Variants in ADAM12 observed in about 807,000 individuals in gnomAD.
ADAM12 encodes ADAM metallopeptidase domain 12.
In ADAM12, 70 loss-of-function variants were observed where a neutral mutation model predicts 106.4. The ratio of observed to expected loss-of-function variants is 0.66; its 90% CI spans 0.54 to 0.80. ADAM12 has a LOEUF of 0.80. Among genes scored for constraint, ADAM12 ranks in the 30% least tolerant of loss-of-function variants. The pLI is 0.00. For synonymous variants in ADAM12, 420 were observed against 433.5 expected, an observed-to-expected ratio of 0.97 and a Z score of 0.39; for missense variants, 1,010 against 1,171.9, an observed-to-expected ratio of 0.86 and a Z score of 2.02.
chr10:126,225,063 G>A lies in ADAM12; in HGVS notation c.260+53852C>T, dbSNP rs535677849. Among the ~76,000 whole-genome samples, 9 of 152,342 alleles carry A rather than the reference G, an allele frequency of 5.9e-5. 1 individual carries two copies. In the South Asian group the frequency reaches 1.4e-3, roughly 25 times the overall value. On this transcript the variant is annotated intron_variant, in intron 3 of 22. Coordinates refer to ENST00000448723, the MANE Select transcript of ADAM12 (RefSeq NM_001288973.2). Reference sequence around the variant, plus strand: ...GAAAGGGGGCACCCCCGAAGAGGGCGGGATCCTCTGAGCCCACTGTTTCGA... The same window carrying A: ...GAAAGGGGGCACCCCCGAAGAGGGCAGGATCCTCTGAGCCCACTGTTTCGA...
chr10:126,277,066 CTG>C (rs1590721217), intron 3 of ADAM12, among the ~76,000 whole-genome samples: 1 of 152,162 alleles, frequency 6.6e-6, no homozygotes, highest in East Asian at 1.9e-4. Context: ...TGCATACAGA[CTG>C]TGATATCAAC....
intron 1 of ADAM12, among the ~76,000 whole-genome samples, chr10:126,381,573 GT>G (rs1856495002): frequency 6.6e-6 from 1 of 152,244 alleles, no homozygotes; most frequent in African/African-American, 2.4e-5. Flanking sequence ...TCAGCTCACT[GT>G]AGGCTCTGCC....
At chr10:126,182,153 T>C (rs1240826866) in intron 3 of ADAM12, among the ~76,000 whole-genome samples, 1 of 152,226 alleles carries the variant, frequency 6.6e-6, no homozygotes, top group Admixed American at 6.5e-5. Flanking sequence ...CCCCTCTGCC[T>C]GGTGGCTGGT....
chr10:126,017,673 GTCA>G (rs1190093808), intron 22 of ADAM12, among the ~76,000 whole-genome samples: 2 of 152,106 alleles, frequency 1.3e-5, no homozygotes, highest in African/African-American at 2.4e-5. Context: ...ATTTCAACAG[GTCA>G]TCATCAATAG....
Position 126,121,147 on chromosome 10 carries a change from CTATATATACTATATATACTA to C in ADAM12, c.417-2943_417-2924del, listed in dbSNP as rs1565074073. Among the ~76,000 whole-genome samples the C allele has an allele frequency of 1.8e-4, 4 of 22,408 alleles. 1 individual carries two copies. Among genetic ancestry groups the C allele is most frequent in the Admixed American group, 1.2e-3 (2 of 1,708 alleles). 14.7% of individuals were successfully genotyped at this position (22,408 alleles called of 152,430 possible). ...GTATATATACTATATACTATATATA[CTATATATACTATATATACTA>C]TATATACTATATACACTATATACTA... is the stretch of plus-strand genomic sequence containing the variant. On this transcript the variant is annotated intron_variant, in intron 5 of 22. Transcript: ENST00000448723.
At chr10:126,266,237 C>T (rs927985850) in intron 3 of ADAM12, among the ~76,000 whole-genome samples, 10 of 152,142 alleles carry the variant, frequency 6.6e-5, no homozygotes, top group African/African-American at 1.9e-4. Flanking sequence ...GACTTGGGGG[C>T]CCTCCCATTG....
intron 3 of ADAM12, among the ~76,000 whole-genome samples, chr10:126,262,594 A>G (rs960489970): frequency 8.5e-5 from 13 of 152,202 alleles, no homozygotes; most frequent in African/African-American, 2.9e-4. Flanking sequence ...ACCTACAGTG[A>G]ACACATAAAA....
rs1954097911 is a variant in ADAM12 at position 126,038,463 on chromosome 10, C to CT, written c.2241-115dup. ...AAGACAGTTTACTTAACTCAGTGTG[C>CT]TAAACATGCAAAGGAAAAATTACCT... On this transcript the variant is annotated intron_variant, in intron 19 of 22. Transcript: ENST00000448723. The CT allele has an allele frequency of 2.0e-5, 15 of 747,524 alleles. No homozygotes were observed. In the East Asian group the frequency reaches 4.5e-4, roughly 22 times the overall value. 46.3% of individuals were successfully genotyped at this position (747,524 alleles called of 1,614,324 possible). A position where few individuals can be genotyped will look rare whatever the true frequency, so the allele number is the denominator to read the frequency against.
chr10:126,077,475 A>T (rs1955124321), intron 11 of ADAM12, among the ~76,000 whole-genome samples: 3 of 152,230 alleles, frequency 2.0e-5, no homozygotes, highest in Admixed American at 1.3e-4. Flanking sequence ...GAGGTATCAT[A>T]TTATCTGACT....
intron 2 of ADAM12, among the ~76,000 whole-genome samples, chr10:126,320,938 T>A (rs114834753): frequency 0.02 from 3,100 of 152,354 alleles, 99 homozygotes; most frequent in African/African-American, 0.067. Context: ...AAAACTTTTT[T>A]AAAATAAGTT....
chr10:126,314,845 C>T (rs1961275729), intron 2 of ADAM12, among the ~76,000 whole-genome samples: 1 of 152,148 alleles, frequency 6.6e-6, no homozygotes, highest in Non-Finnish European at 1.5e-5. Context: ...GAACTTGCCT[C>T]TCAGAGCACA....
chr10:126,378,065 T>TA (rs1856357228), intron 1 of ADAM12, among the ~76,000 whole-genome samples: 2 of 152,136 alleles, frequency 1.3e-5, no homozygotes, highest in African/African-American at 4.8e-5. Context: ...ATAAGAATCT[T>TA]AGAGTCTTTA....
intron 3 of ADAM12, among the ~76,000 whole-genome samples, chr10:126,191,830 T>C (rs960067926): frequency 9.2e-5 from 14 of 152,154 alleles, no homozygotes; most frequent in African/African-American, 3.1e-4. Context: ...GACTGGATAA[T>C]TTATAAAGAA....
In ADAM12 at chr10:126,113,554, G is replaced by A. The variant is rs533668027; in HGVS notation, c.604-3714C>T. ...ACACGCCTGTAGTCCCAGCTACTCG[G>A]GAGGCTGAGGCACAAGAATTACTTG... On this transcript the variant is annotated intron_variant, in intron 6 of 22. Transcript: ENST00000448723. 2.4e-4 allele frequency among the ~76,000 whole-genome samples: 32 copies of A among 135,436 alleles called. 2 individuals carry two copies. Among genetic ancestry groups the A allele is most frequent in the African/African-American group, 1.1e-3 (32 of 28,544 alleles). The allele number at this position is 135,436 out of a possible 152,430, so 88.9% of individuals were successfully genotyped here. A position where few individuals can be genotyped will look rare whatever the true frequency, so the allele number is the denominator to read the frequency against.
chr10:126,174,112 C>T (rs892613044), intron 3 of ADAM12, among the ~76,000 whole-genome samples: 1 of 148,570 alleles, frequency 6.7e-6, no homozygotes, highest in Non-Finnish European at 1.5e-5. Flanking sequence ...GGTTTCAAGC[C>T]ATTCTCCTGC....
chr10:126,354,379 G>A (rs985120353), intron 1 of ADAM12, among the ~76,000 whole-genome samples: 13 of 152,154 alleles, frequency 8.5e-5, no homozygotes, highest in African/African-American at 2.7e-4. Context: ...GTAACTCATA[G>A]TCCTGTGTTC....
At position 126,280,920 on chromosome 10, in the gene ADAM12, C is replaced by T. The variant is rs533140312; in HGVS notation, c.187-1932G>A. ...ACTGTGTGCATTTCTGAGTGTTACT[C>T]GACTTTGAAAATTAATCTATTGGAT... On this transcript the variant is annotated intron_variant, in intron 2 of 22. Transcript: ENST00000448723. 7.9e-5 allele frequency among the ~76,000 whole-genome samples: 12 copies of T among 152,206 alleles called. 1 individual carries two copies. Among genetic ancestry groups the T allele is most frequent in the Admixed American group, 2.6e-4 (4 of 15,288 alleles).
At chr10:126,166,445 T>C (rs1209550865) in intron 3 of ADAM12, among the ~76,000 whole-genome samples, 1 of 152,222 alleles carries the variant, frequency 6.6e-6, no homozygotes, top group Non-Finnish European at 1.5e-5. Context: ...CTAGATACAG[T>C]TTGCAAGTCT....
intron 3 of ADAM12, among the ~76,000 whole-genome samples, chr10:126,269,552 C>T (rs72828715): frequency 0.054 from 8,187 of 152,216 alleles, 267 homozygotes; most frequent in Admixed American, 0.11. Flanking sequence ...GTAACCATCC[C>T]GGTCGCACCA....
Sources: allele counts gnomAD v4.1 joint callset (sites outside exome capture counted in the v4.1 genomes callset), GRCh38; gene constraint gnomAD v4.1.1; transcripts MANE v1.5; gene names NCBI Gene and HGNC (gene_info 2026-07-23, HGNC 2026-07-21).